ELL: variants seen among roughly 807,000 people sequenced by gnomAD.
ELL encodes RNA polymerase II elongation factor ELL.
Under a neutral mutation model 64.0 loss-of-function variants are expected in ELL, and 18 were observed. The ratio of observed to expected loss-of-function variants is 0.28; its 90% CI spans 0.19 to 0.42. The LOEUF (loss-of-function observed/expected upper bound fraction) is 0.42, where lower values mean the gene tolerates loss of function less well. Among genes scored for constraint, ELL ranks in the 10% least tolerant of loss-of-function variants. The pLI, the probability that ELL is intolerant of heterozygous loss-of-function variation, is 1.00. For synonymous variants in ELL, 399 were observed against 376.2 expected, an observed-to-expected ratio of 1.06 and a Z score of -0.70; for missense variants, 797 against 870.4, an observed-to-expected ratio of 0.92 and a Z score of 1.06.
At chr19:18,473,025 T>A in intron 1 of ELL, 143 bp from the exon 2 acceptor site, 1 of 1,033,326 alleles carries the variant, frequency 9.7e-7, no homozygotes, top group Non-Finnish European at 1.4e-6. Context: ...GCACACACTC[T>A]GAAAATTATA....
intron 1 of ELL, among the ~76,000 whole-genome samples, chr19:18,510,591 T>G (rs1356993045): frequency 6.6e-6 from 1 of 152,118 alleles, no homozygotes; most frequent in African/African-American, 2.4e-5. Flanking sequence ...CCTGGGTCCA[T>G]CCAGGGGCAT....
At chr19:18,448,299 G>A (rs1974457842) in intron 8 of ELL, 1 of 152,084 alleles carries the variant, frequency 6.6e-6, no homozygotes, top group Admixed American at 6.6e-5. Flanking sequence ...GCGATCTCCA[G>A]TTTGCTGAGC....
intron 8 of ELL, 127 bp downstream of exon 8, chr19:18,450,350 G>T: frequency 3.5e-6 from 5 of 1,443,708 alleles, no homozygotes; most frequent in Non-Finnish European, 3.7e-6. Context: ...ATCTGATGGG[G>T]CCTGGGGCAA....
At position 18,498,721 on chromosome 19, in the gene ELL, G is replaced by A. The variant is rs552750198; in HGVS notation, c.135+23200C>T. On this transcript the variant is annotated intron_variant, in intron 1 of 11. Transcript: ENST00000262809. ...CCTGTGGCACTTGGGAAGCCAAGGC[G>A]GGAGGATCGCTTGAGCTCAGGAGTT... 8.5e-5 allele frequency among the ~76,000 whole-genome samples: 13 copies of A among 152,302 alleles called. No individual in the cohort carries two copies. The South Asian group carries it at 1.7e-3, about 19-fold the overall frequency.
At chr19:18,462,334 GCTGTGT>G (rs1417509130) in intron 4 of ELL, among the ~76,000 whole-genome samples, 4 of 90,516 alleles carry the variant, frequency 4.4e-5, no homozygotes, top group South Asian at 4.0e-4. Context: ...ACTCTAGTGG[GCTGTGT>G]GTGTGTGTGT....
chr19:18,520,350 T>A (rs1976236949), intron 1 of ELL, among the ~76,000 whole-genome samples: 2 of 152,256 alleles, frequency 1.3e-5, no homozygotes, highest in Non-Finnish European at 1.5e-5. Context: ...GCCAGAATTC[T>A]ACCAGGAAGA....
chr19:18,503,814 A>C (rs1248059023), intron 1 of ELL, among the ~76,000 whole-genome samples: 3 of 152,116 alleles, frequency 2.0e-5, no homozygotes, highest in Non-Finnish European at 4.4e-5. Flanking sequence ...TCCCTGCTGC[A>C]GGCTGGATGA....
intron 1 of ELL, among the ~76,000 whole-genome samples, chr19:18,514,682 T>C (rs1455189128): frequency 6.6e-6 from 1 of 152,192 alleles, no homozygotes; most frequent in Non-Finnish European, 1.5e-5. Flanking sequence ...ACCCTGTCCA[T>C]GAGATTCAGA....
At chr19:18,506,138 C>T (rs931695974) in intron 1 of ELL, among the ~76,000 whole-genome samples, 38 of 152,348 alleles carry the variant, frequency 2.5e-4, no homozygotes, top group African/African-American at 7.5e-4. Context: ...CAGGCTGCTG[C>T]CCCTGGCACT....
At chr19:18,514,644 G>T (rs1443116756) in intron 1 of ELL, among the ~76,000 whole-genome samples, 2 of 152,138 alleles carry the variant, frequency 1.3e-5, no homozygotes, top group African/African-American at 4.8e-5. Context: ...GGACTCTGTG[G>T]CTGACTACAC....
chr19:18,497,283 T>C (rs1426174482), intron 1 of ELL, among the ~76,000 whole-genome samples: 6 of 152,194 alleles, frequency 3.9e-5, no homozygotes, highest in Non-Finnish European at 5.9e-5. Context: ...GGCTGCACAC[T>C]GCACAGTTCC....
At chr19:18,465,751 G>A in intron 3 of ELL, 46 bp downstream of exon 3, 1 of 1,427,158 alleles carries the variant, frequency 7.0e-7, no homozygotes. Context: ...GTGGCAGGGT[G>A]ACCTCAAGAG....
At chr19:18,514,052 G>A (rs1357243239) in intron 1 of ELL, among the ~76,000 whole-genome samples, 2 of 152,142 alleles carry the variant, frequency 1.3e-5, no homozygotes, top group African/African-American at 2.4e-5. Context: ...GTCAGGAGCC[G>A]TGTCTCCACT....
At chr19:18,482,794 T>TTGTTGTTGTTGTTGCTGC (rs139501319) in intron 1 of ELL, among the ~76,000 whole-genome samples, 352 of 150,176 alleles carry the variant, frequency 2.3e-3, no homozygotes, top group African/African-American at 5.7e-3. Context: ...GTTGTTGTTG[T>TTGTTGTTGTTGTTGCTGC]TGCTGCTGTT....
chr19:18,519,312 A>T (rs1976202711), intron 1 of ELL, among the ~76,000 whole-genome samples: 1 of 152,124 alleles, frequency 6.6e-6, no homozygotes, highest in East Asian at 1.9e-4. Flanking sequence ...AGCATCGAGG[A>T]ATACAAAACT....
rs185720343 is a variant in ELL at position 18,512,788 on chromosome 19, T to A, written c.135+9133A>T. ...CTCTAGGACAACACCTTCACCTGAA[T>A]TGGGAAGTTGAGGCTCAGGGAGGGT... On this transcript the variant is annotated intron_variant, in intron 1 of 11. Coordinates refer to ENST00000262809, the MANE Select transcript of ELL (RefSeq NM_006532.4). 5.3e-4 allele frequency among the ~76,000 whole-genome samples: 80 copies of A among 152,146 alleles called. 2 individuals are homozygous for A. The highest frequency in any genetic ancestry group is 4.4e-3 in the Admixed American group (67 of 15,280).
At chr19:18,464,160 G>A (rs1294032205) in intron 4 of ELL, among the ~76,000 whole-genome samples, 1 of 152,118 alleles carries the variant, frequency 6.6e-6, no homozygotes. Flanking sequence ...TTTGAGCCCA[G>A]GAGTCAGACA....
At chr19:18,464,481 C>T (rs1446729273) in intron 4 of ELL, among the ~76,000 whole-genome samples, 1 of 118,332 alleles carries the variant, frequency 8.5e-6, no homozygotes, top group Non-Finnish European at 1.7e-5. Context: ...AACCCGGGCT[C>T]CCTGGCCATA....
intron 1 of ELL, among the ~76,000 whole-genome samples, chr19:18,486,659 C>T (rs1384737803): frequency 2.0e-5 from 3 of 152,192 alleles, no homozygotes; most frequent in South Asian, 2.1e-4. Context: ...GCACCGGACT[C>T]GGCTCTTACC....
Sources: allele counts gnomAD v4.1 joint callset (sites outside exome capture counted in the v4.1 genomes callset), GRCh38; gene constraint gnomAD v4.1.1; transcripts MANE v1.5; gene names NCBI Gene and HGNC (gene_info 2026-07-23, HGNC 2026-07-21).